Variants in TERB2 observed in about 807,000 individuals in gnomAD.
TERB2 encodes telomere repeats-binding bouquet formation protein 2.
TERB2 carries 26 observed loss-of-function variants against 29.8 expected under a neutral mutation model. The ratio of observed to expected loss-of-function variants is 0.87; its 90% CI spans 0.64 to 1.21. The LOEUF is 1.21. Among genes scored for constraint, TERB2 ranks in the 50% most tolerant of loss-of-function variants. TERB2 has a pLI of 0.00. For synonymous variants in TERB2, 80 were observed against 90.8 expected (o/e 0.88, Z 0.68); for missense variants, 240 against 268.6 (o/e 0.89, Z 0.74).
chr15:44,964,086 GGC>G (rs1566945157), intron 4 of TERB2, among the ~76,000 whole-genome samples: 1 of 152,134 alleles, frequency 6.6e-6, no homozygotes, highest in East Asian at 1.9e-4. Flanking sequence ...TGGGATTACA[GGC>G]GTGAGCCACT....
At position 44,966,150 on chromosome 15, in the gene TERB2, A is replaced by G. The variant is rs1384818840; in HGVS notation, c.349-8A>G. ...TTTTTAAAATGTGATTTACTTTTCT[A>G]TCCACAGCATGATGAAGTAACACCA... On this transcript the variant is annotated splice_region_variant and splice_polypyrimidine_tract_variant and intron_variant, in intron 4 of 6. Transcript: ENST00000340827. 6.7e-7 allele frequency: 1 copy of G among 1,497,572 alleles called. No homozygotes were observed. The allele number at this position is 1,497,572 out of a possible 1,614,324, so 92.8% of individuals were successfully genotyped here.
At chr15:44,978,045 G>T (rs1224401101) in intron 6 of TERB2, among the ~76,000 whole-genome samples, 1 of 152,112 alleles carries the variant, frequency 6.6e-6, no homozygotes, top group Admixed American at 6.5e-5. Context: ...TTTGTTAAAA[G>T]AATCCTATTC....
intron 4 of TERB2, 57 bp downstream of exon 4, chr15:44,961,641 C>A: frequency 8.5e-7 from 1 of 1,175,956 alleles, no homozygotes. Flanking sequence ...TTTCTGAAAG[C>A]AAGGTTATCT....
rs1346566473 is a variant in TERB2, at chr15:44,973,957, T to C, written c.523+2T>C. 16 of 1,579,882 alleles carry C rather than the reference T, an allele frequency of 1.0e-5. No homozygotes were observed. The highest frequency in any genetic ancestry group is 1.3e-5 in the Non-Finnish European group (15 of 1,162,118). ...ACCCAGTTAACAACATGGTAACAGG[T>C]AGTTTAAAATAAAATTTAGAGTAAA... On this transcript the variant is annotated splice_donor_variant, in intron 6 of 6. Coordinates refer to ENST00000340827, the MANE Select transcript of TERB2 (RefSeq NM_152448.3). LOFTEE classifies it high-confidence loss of function.
At position 44,958,270 on chromosome 15, in the gene TERB2, A is replaced by G. The variant is rs563440494; in HGVS notation, c.147-103A>G. 9 of 1,361,322 alleles carry G rather than the reference A, an allele frequency of 6.6e-6. No homozygotes were observed. In the African/African-American group the frequency reaches 8.7e-5, roughly 13 times the overall value. 84.3% of individuals were successfully genotyped at this position (1,361,322 alleles called of 1,614,324 possible). A position where few individuals can be genotyped will look rare whatever the true frequency, so the allele number is the denominator to read the frequency against. On this transcript the variant is annotated intron_variant, in intron 2 of 6. Coordinates refer to ENST00000340827, the MANE Select transcript of TERB2 (RefSeq NM_152448.3). ...AAGGACAGCATACATGTATGCTTCAATGTAATCGTCTCCCTACTTCCAGTG... is the reference window on the plus strand; with the variant it reads ...AAGGACAGCATACATGTATGCTTCAGTGTAATCGTCTCCCTACTTCCAGTG...
At chr15:44,975,925 C>T (rs1355976578) in intron 6 of TERB2, among the ~76,000 whole-genome samples, 1 of 152,136 alleles carries the variant, frequency 6.6e-6, no homozygotes, top group Non-Finnish European at 1.5e-5. Flanking sequence ...ATTGTAAATA[C>T]TTTGCTGGCA....
chr15:44,964,398 T>C (rs975186506), intron 4 of TERB2, among the ~76,000 whole-genome samples: 1 of 152,308 alleles, frequency 6.6e-6, no homozygotes, highest in Admixed American at 6.5e-5. Flanking sequence ...AAATATCTAA[T>C]CCTTGACTTT....
intron 6 of TERB2, among the ~76,000 whole-genome samples, chr15:44,974,376 T>C (rs1892013269): frequency 6.6e-6 from 1 of 152,172 alleles, no homozygotes; most frequent in South Asian, 2.1e-4. Flanking sequence ...CACACTGCCA[T>C]TCCATTCAAT....
chr15:44,957,563 A>G (rs1891737707), intron 2 of TERB2, among the ~76,000 whole-genome samples: 1 of 152,184 alleles, frequency 6.6e-6, no homozygotes, highest in African/African-American at 2.4e-5. Flanking sequence ...TAACAACCCT[A>G]CGCCATGAAT....
Position 44,974,993 on chromosome 15 carries a change from T to G in TERB2, c.523+1038T>G, listed in dbSNP as rs994317536. Among the ~76,000 whole-genome samples the G allele has an allele frequency of 8.5e-5, 13 of 152,288 alleles. No individual in the cohort carries two copies. The South Asian group carries it at 1.5e-3, about 17-fold the overall frequency. ...ATACCTACATTTGGACATGTAATAG[T>G]GCTGCTTTTTGTATTATTGCTGGAT... On this transcript the variant is annotated intron_variant, in intron 6 of 6. Transcript: ENST00000340827.
At chr15:44,970,735 G>A (rs1021003606) in intron 5 of TERB2, 3 of 167,708 alleles carry the variant, frequency 1.8e-5, no homozygotes, top group African/African-American at 7.2e-5. Context: ...AAGGTGGATT[G>A]AAATTCCTCA....
intron 4 of TERB2, among the ~76,000 whole-genome samples, chr15:44,963,458 G>A (rs1891837265): frequency 6.6e-6 from 1 of 152,106 alleles, no homozygotes; most frequent in South Asian, 2.1e-4. Context: ...ATCAGTTAAT[G>A]TCATAAAATA....
chr15:44,965,418 T>C (rs1284265257), intron 4 of TERB2, among the ~76,000 whole-genome samples: 11 of 143,086 alleles, frequency 7.7e-5, no homozygotes, highest in Middle Eastern at 4.4e-3. Context: ...TTGAGTTATA[T>C]ATTTTATACC....
intron 4 of TERB2, among the ~76,000 whole-genome samples, chr15:44,963,804 C>CTTTTTTTTTT (rs34438861): frequency 3.9e-4 from 31 of 79,168 alleles, no homozygotes; most frequent in Non-Finnish European, 5.5e-4. Flanking sequence ...TTATACTATT[C>CTTTTTTTTTT]TTTTTTTTTT....
rs561324491 is a variant in TERB2 at position 44,978,442 on chromosome 15, A to G, written c.524-47A>G. 77 of 1,503,990 alleles carry G rather than the reference A, an allele frequency of 5.1e-5. 1 individual carries two copies. The South Asian group carries it at 9.6e-4, about 19-fold the overall frequency. The allele number at this position is 1,503,990 out of a possible 1,614,324, so 93.2% of individuals were successfully genotyped here. Reference sequence around the variant, plus strand: ...TCAAAGACACTGAAAAGCAAATAGTATGAGCGGGTTTTAAGTATATATCTT... The same window carrying G: ...TCAAAGACACTGAAAAGCAAATAGTGTGAGCGGGTTTTAAGTATATATCTT... On this transcript the variant is annotated intron_variant, in intron 6 of 6. Transcript: ENST00000340827.
rs1390712293 is a variant in TERB2 at position 44,958,522 on chromosome 15, G to T, written c.286+10G>T. On this transcript the variant is annotated intron_variant, in intron 3 of 6. Transcript: ENST00000340827. ...GCGTGCCTGCAAAAAGGTTAGCAAA[G>T]ATCATTCAGCCAATCCCTGTCAGAC... 1 of 1,599,836 alleles carries T rather than the reference G, an allele frequency of 6.3e-7. No individual in the cohort carries two copies. The highest frequency in any genetic ancestry group is 1.7e-5 in the Admixed American group (1 of 57,648).
At chr15:44,967,045 G>A (rs2141242312) in intron 5 of TERB2, among the ~76,000 whole-genome samples, 1 of 152,304 alleles carries the variant, frequency 6.6e-6, no homozygotes, top group Non-Finnish European at 1.5e-5. Flanking sequence ...ACCGCAGTGA[G>A]CCGTGATCAC....
chr15:44,963,068 G>T (rs1388885745), intron 4 of TERB2: 2 of 152,102 alleles, frequency 1.3e-5, no homozygotes, highest in African/African-American at 2.4e-5. Context: ...GGTAAATATA[G>T]AAAGAAAGAT....
intron 4 of TERB2, among the ~76,000 whole-genome samples, chr15:44,964,577 G>A (rs1891855372): frequency 6.6e-6 from 1 of 151,942 alleles, no homozygotes; most frequent in Non-Finnish European, 1.5e-5. Flanking sequence ...GTACACATTG[G>A]CAAAGTGGAG....
Sources: gnomAD v4.1 joint callset for allele counts (sites outside exome capture counted in the v4.1 genomes callset) on GRCh38, gnomAD v4.1.1 for gene constraint, MANE v1.5 for transcripts, NCBI Gene and HGNC (gene_info 2026-07-23, HGNC 2026-07-21) for gene names.